The following GYG1 variants were observed in gnomAD, a reference collection of about 807,000 sequenced individuals.
GYG1 encodes the protein glycogenin 1.
Under a neutral mutation model 41.9 loss-of-function variants are expected in GYG1, and 44 were observed. The ratio of observed to expected loss-of-function variants is 1.05; its 90% confidence interval spans 0.83 to 1.35. The LOEUF is 1.35. Among genes scored for constraint, GYG1 ranks in the 40% most tolerant of loss-of-function variants. GYG1 has a pLI of 0.00. For synonymous variants in GYG1, 141 were observed against 158.1 expected (o/e 0.89, Z 0.81); for missense variants, 429 against 418.9 (o/e 1.02, Z -0.21).
At chr3:149,026,313 T>A (rs1202641390) in intron 6 of GYG1, 139 bp from the exon 7 acceptor site, 1 of 747,462 alleles carries the variant, frequency 1.3e-6, no homozygotes, top group Non-Finnish European at 2.5e-6. Context: ...TCTAGTTAGA[T>A]TCTTTCTGAA....
Position 149,028,366 on chromosome 3 carries a change from A to G in GYG1, c.*1433A>G, listed in dbSNP as rs1360524288. The stretch of plus-strand genomic sequence containing the variant: ...ATTATAAAATATTAAATGATAAATG[A>G]CTTCTGAAACTAGCTATTTGGACTG... On this transcript the variant is annotated 3_prime_UTR_variant, in exon 8 of 8. Coordinates refer to ENST00000345003, the MANE Select transcript of GYG1 (RefSeq NM_004130.4). 6.6e-6 allele frequency among the ~76,000 whole-genome samples: 1 copy of G among 152,202 alleles called. No homozygotes were observed. The highest frequency in any genetic ancestry group is 1.9e-4 in the East Asian group (1 of 5,196).
At chr3:149,015,497 C>T (rs1713970897) in intron 5 of GYG1, among the ~76,000 whole-genome samples, 1 of 152,110 alleles carries the variant, frequency 6.6e-6, no homozygotes, top group African/African-American at 2.4e-5. Context: ...TGTGGTATTG[C>T]AGAAGCCGAG....
At chr3:149,005,159 C>T (rs1713319424) in intron 4 of GYG1, among the ~76,000 whole-genome samples, 1 of 151,942 alleles carries the variant, frequency 6.6e-6, no homozygotes, top group African/African-American at 2.4e-5. Flanking sequence ...TTATTAATAT[C>T]CTTTATAACC....
rs142869401 is a variant in GYG1, at chr3:149,024,211, A to C, written c.767A>C (p.Asn256Thr). The change falls in exon 6 of 8, where the codon AAC (asparagine) becomes ACC (threonine). Residue 256 changes from asparagine (N) to threonine (T), a missense_variant. By Grantham distance (65) the Asn-to-Thr change is moderately conservative. Transcript: ENST00000345003. The part of the protein sequence containing the change: ...LILWWNIFTT[N>T]VLPLLQQFGL... ...CTGTGGTGGAACATCTTTACCACCA[A>C]CGTTTTACCTCTGCTTCAACAATTT... is the stretch of plus-strand genomic sequence containing the variant. 3.2e-4 allele frequency: 509 copies of C among 1,613,708 alleles called. No individual in the cohort carries two copies. The highest frequency in any genetic ancestry group is 2.0e-3 in the African/African-American group (150 of 75,038).
chr3:149,004,386 T>A (rs1193279020), intron 4 of GYG1, among the ~76,000 whole-genome samples: 4 of 152,234 alleles, frequency 2.6e-5, no homozygotes, highest in Non-Finnish European at 5.9e-5. Flanking sequence ...TCCTTGTATG[T>A]TTTCTAATAC....
chr3:149,011,732 A>G (rs905403849), intron 5 of GYG1, among the ~76,000 whole-genome samples: 1 of 152,338 alleles, frequency 6.6e-6, no homozygotes, highest in Non-Finnish European at 1.5e-5. Context: ...AGAGATCTAA[A>G]TTACTGAAAC....
chr3:148,996,221 A>G (rs1712776179), intron 2 of GYG1, 81 bp from the exon 3 acceptor site: 2 of 951,568 alleles, frequency 2.1e-6, no homozygotes, highest in Admixed American at 3.4e-5. Flanking sequence ...GGAGAAGGTA[A>G]TAAAGCATCA....
chr3:149,025,181 T>C (rs1714586289), intron 6 of GYG1, among the ~76,000 whole-genome samples: 1 of 152,224 alleles, frequency 6.6e-6, no homozygotes, highest in African/African-American at 2.4e-5. Context: ...TTTTTGGCAC[T>C]AGACACTGGT....
rs370532777 is a variant in GYG1, at chr3:149,009,333, G to C, written c.539G>C (p.Arg180Thr). Residue 180 changes from arginine (R) to threonine (T), a missense_variant, in exon 5 of 8, where the codon AGA (arginine) becomes ACA (threonine). Arg to Thr is a moderately conservative substitution (Grantham distance 71). Transcript: ENST00000345003. ...AGCAGCTGGGCAACAACAGATATCA[G>C]AAAACACCTGCCGTTTATTTATAAC... ...FFSSWATTDIRKHLPFIYNLS... is the reference protein window; with the variant it reads ...FFSSWATTDITKHLPFIYNLS... 30 of 1,613,002 alleles carry C rather than the reference G, an allele frequency of 1.9e-5. No individual in the cohort carries two copies. Among genetic ancestry groups the C allele is most frequent in the Non-Finnish European group, 8.5e-7 (1 of 1,179,112 alleles).
Position 148,996,724 on chromosome 3 carries a change from T to G in GYG1, c.319-18T>G. 6.2e-7 allele frequency: 1 copy of G among 1,609,906 alleles called. No homozygotes were observed. The highest frequency in any genetic ancestry group is 8.5e-7 in the Non-Finnish European group (1 of 1,176,146). On this transcript the variant is annotated intron_variant, in intron 3 of 7. Transcript: ENST00000345003. ...CAGCAAAAACATTTCTGTAATGCTC[T>G]TTCTCCCCTTTGATCAGGTCCTAGC...
rs552846824 is a variant in GYG1 at position 149,023,800 on chromosome 3, C to T, written c.609-253C>T. Among the ~76,000 whole-genome samples, 5 of 152,212 alleles carry T rather than the reference C, an allele frequency of 3.3e-5. No homozygotes were observed. In the South Asian group the frequency reaches 1.0e-3, roughly 32 times the overall value. On this transcript the variant is annotated intron_variant, in intron 5 of 7. Transcript: ENST00000345003. ...GGGAGTTCAAGACCAGGCTGGACAA[C>T]ATAGCAAGACCCTGGCTCTACAAAA...
At chr3:149,026,111 T>C (rs1211932520) in intron 6 of GYG1, among the ~76,000 whole-genome samples, 2 of 152,202 alleles carry the variant, frequency 1.3e-5, no homozygotes, top group Admixed American at 6.5e-5. Context: ...TATACGTAAT[T>C]ATGAACCAAG....
At chr3:149,016,492 AAG>A (rs1436556666) in intron 5 of GYG1, among the ~76,000 whole-genome samples, 1 of 152,086 alleles carries the variant, frequency 6.6e-6, no homozygotes, top group Non-Finnish European at 1.5e-5. Flanking sequence ...CTGGTCTGTG[AAG>A]AGAGGCCAGC....
intron 3 of GYG1, 97 bp from the exon 4 acceptor site, chr3:148,996,645 T>TG: frequency 7.7e-7 from 1 of 1,298,790 alleles, no homozygotes; most frequent in Non-Finnish European, 1.1e-6. Flanking sequence ...GCCTTACAGC[T>TG]GTCACCATCT....
Position 149,031,613 on chromosome 3 carries a change from T to G in GYG1, c.*4680T>G, listed in dbSNP as rs1715056903. The G allele has an allele frequency of 6.6e-6, 1 of 152,326 alleles. No individual in the cohort carries two copies. The highest frequency in any genetic ancestry group is 6.6e-5 in the Admixed American group (1 of 15,266). 9.4% of individuals were successfully genotyped at this position (152,326 alleles called of 1,614,324 possible). A position where few individuals can be genotyped will look rare whatever the true frequency, so the allele number is the denominator to read the frequency against. Reference sequence around the variant, plus strand: ...AGTACTCTTAACATAATCCCTAATTTTTTCATGAACATAAAACTCCAAGTC... The same window carrying G: ...AGTACTCTTAACATAATCCCTAATTGTTTCATGAACATAAAACTCCAAGTC... On this transcript the variant is annotated 3_prime_UTR_variant, in exon 8 of 8. Transcript: ENST00000345003.
chr3:149,015,321 C>T (rs1387368658), intron 5 of GYG1, among the ~76,000 whole-genome samples: 1 of 152,074 alleles, frequency 6.6e-6, no homozygotes, highest in African/African-American at 2.4e-5. Flanking sequence ...TGAGAGTTGT[C>T]AGCATATAAA....
In GYG1 at chr3:149,028,832, T is replaced by C. The variant is rs1714793995; in HGVS notation, c.*1899T>C. On this transcript the variant is annotated 3_prime_UTR_variant, in exon 8 of 8. Coordinates refer to ENST00000345003, the MANE Select transcript of GYG1 (RefSeq NM_004130.4). ...GCCTCCTGGATTCAAGAGATTCTCC[T>C]ACCTCAGCCTCCTGAGTAGCTGGGA... is the stretch of plus-strand genomic sequence containing the variant. Among the ~76,000 whole-genome samples the C allele has an allele frequency of 6.7e-6, 1 of 149,772 alleles. No individual in the cohort carries two copies. Among genetic ancestry groups the C allele is most frequent in the Non-Finnish European group, 1.5e-5 (1 of 67,434 alleles).
chr3:149,026,570 C>G, intron 7 of GYG1, 68 bp downstream of exon 7: 1 of 1,102,124 alleles, frequency 9.1e-7, no homozygotes. Context: ...GTCAAGAAGT[C>G]TTCATTTTGT....
chr3:148,994,046 TG>T, intron 1 of GYG1, 95 bp from the exon 2 acceptor site: 1 of 1,070,270 alleles, frequency 9.3e-7, no homozygotes. Context: ...TTAGAGGAAC[TG>T]GTTTTGCTGA....
Sources: allele counts gnomAD v4.1 joint callset (sites outside exome capture counted in the v4.1 genomes callset), GRCh38; gene constraint gnomAD v4.1.1; transcripts MANE v1.5; gene names NCBI Gene and HGNC (gene_info 2026-07-23, HGNC 2026-07-21).